DGKI: variants seen among roughly 807,000 people sequenced by gnomAD.
DGKI encodes the protein DAG kinase iota.
DGKI carries 55 observed loss-of-function variants against 147.5 expected under a neutral mutation model. The observed-to-expected ratio is 0.37, with a 90% confidence interval of 0.30 to 0.47. The LOEUF (loss-of-function observed/expected upper bound fraction) is 0.47. Ranked by LOEUF, DGKI falls within the 20% of genes least tolerant of loss-of-function variation. The pLI, the probability that DGKI is intolerant of heterozygous loss-of-function variation, is 1.00. For missense variants in DGKI, 1,007 were observed against 1,323.8 expected, an observed-to-expected ratio of 0.76 and a Z score of 3.71; for synonymous variants, 469 against 477.1, an observed-to-expected ratio of 0.98 and a Z score of 0.22.
chr7:137,397,588 A>G (rs1009272883), intron 30 of DGKI, among the ~76,000 whole-genome samples, 175 bp from the exon 31 acceptor site: 1 of 152,228 alleles, frequency 6.6e-6, no homozygotes, highest in African/African-American at 2.4e-5. Flanking sequence ...CAAACTCCCA[A>G]TCTCCATGAA....
At chr7:137,777,946 C>T (rs781114231) in intron 1 of DGKI, among the ~76,000 whole-genome samples, 20 of 152,166 alleles carry the variant, frequency 1.3e-4, no homozygotes, top group Non-Finnish European at 2.5e-4. Flanking sequence ...TGTGGCTATT[C>T]AGTCCGTTCA....
At chr7:137,570,830 C>T (rs1225788347) in intron 19 of DGKI, among the ~76,000 whole-genome samples, 1 of 152,084 alleles carries the variant, frequency 6.6e-6, no homozygotes, top group Non-Finnish European at 1.5e-5. Context: ...CTCAGTTGAT[C>T]CACCCACCTC....
chr7:137,733,438 C>T (rs1218522174), intron 1 of DGKI, among the ~76,000 whole-genome samples: 3 of 152,090 alleles, frequency 2.0e-5, no homozygotes, highest in Admixed American at 6.6e-5. Flanking sequence ...CTTTTTAAGG[C>T]CAAATAGTAT....
chr7:137,648,719 T>C (rs1285362580), intron 5 of DGKI, among the ~76,000 whole-genome samples: 1 of 152,176 alleles, frequency 6.6e-6, no homozygotes. Flanking sequence ...TTTAATATTT[T>C]TGGACTGTGG....
At chr7:137,726,727 A>C (rs547332045) in intron 1 of DGKI, among the ~76,000 whole-genome samples, 13 of 152,280 alleles carry the variant, frequency 8.5e-5, no homozygotes, top group Non-Finnish European at 7.4e-5. Context: ...GAATTCCTAA[A>C]ACGTTGTCCC....
At chr7:137,442,725 A>G (rs1347478695) in intron 28 of DGKI, among the ~76,000 whole-genome samples, 1 of 152,196 alleles carries the variant, frequency 6.6e-6, no homozygotes. Context: ...CAGATTTCAC[A>G]ATGTGGCAGT....
chr7:137,510,354 T>C (rs2128947389), intron 21 of DGKI, among the ~76,000 whole-genome samples: 1 of 152,344 alleles, frequency 6.6e-6, no homozygotes, highest in East Asian at 1.9e-4. Context: ...GTGTTAAATG[T>C]GATATAAGCT....
intron 19 of DGKI, among the ~76,000 whole-genome samples, chr7:137,554,535 C>T (rs992938246): frequency 2.6e-5 from 4 of 152,186 alleles, no homozygotes; most frequent in African/African-American, 9.7e-5. Context: ...AAGACCATAG[C>T]TCTCCTTTGC....
intron 1 of DGKI, among the ~76,000 whole-genome samples, chr7:137,830,554 C>T (rs1290645556): frequency 1.3e-5 from 2 of 152,114 alleles, no homozygotes; most frequent in Non-Finnish European, 2.9e-5. Context: ...TGAAGAAAGC[C>T]ATGGATAACC....
chr7:137,470,057 A>G (rs2128928337), intron 23 of DGKI, among the ~76,000 whole-genome samples: 1 of 152,326 alleles, frequency 6.6e-6, no homozygotes, highest in East Asian at 1.9e-4. Flanking sequence ...GAGAAAAAGC[A>G]GCAGCCATCC....
At chr7:137,833,623 C>T (rs1388649115) in intron 1 of DGKI, among the ~76,000 whole-genome samples, 1 of 152,210 alleles carries the variant, frequency 6.6e-6, no homozygotes, top group Admixed American at 6.5e-5. Flanking sequence ...ACCAGAGCAG[C>T]AGGAATTGTC....
intron 6 of DGKI, among the ~76,000 whole-genome samples, chr7:137,642,639 G>A (rs555400763): frequency 1.6e-4 from 24 of 152,174 alleles, no homozygotes; most frequent in East Asian, 7.7e-4. Flanking sequence ...TGAGGCATTC[G>A]GCTAACGTTA....
intron 30 of DGKI, among the ~76,000 whole-genome samples, chr7:137,402,916 C>A (rs191793813): frequency 2.5e-3 from 375 of 152,220 alleles, no homozygotes; most frequent in Non-Finnish European, 4.3e-3. Flanking sequence ...CAAAATAACC[C>A]ATTGAAATCA....
At chr7:137,514,975 C>T (rs1252708918) in intron 21 of DGKI, among the ~76,000 whole-genome samples, 2 of 152,168 alleles carry the variant, frequency 1.3e-5, no homozygotes, top group African/African-American at 4.8e-5. Context: ...TTCTCCATGG[C>T]CTATAAGCCC....
intron 1 of DGKI, among the ~76,000 whole-genome samples, chr7:137,705,582 T>C (rs977187822): frequency 3.3e-5 from 5 of 152,108 alleles, no homozygotes; most frequent in Non-Finnish European, 5.9e-5. Flanking sequence ...AGATGGCTGA[T>C]TGGGAAGGCA....
intron 1 of DGKI, among the ~76,000 whole-genome samples, chr7:137,816,212 C>G (rs767303352): frequency 6.6e-6 from 1 of 152,184 alleles, no homozygotes. Flanking sequence ...ATAGCATTCT[C>G]AGACTAATAG....
intron 17 of DGKI, among the ~76,000 whole-genome samples, chr7:137,575,256 A>C (rs1388492694): frequency 6.6e-6 from 1 of 152,204 alleles, no homozygotes; most frequent in African/African-American, 2.4e-5. Flanking sequence ...AATTTATATA[A>C]ACATTCCACC....
chr7:137,599,602 C>T (rs1386648085), intron 11 of DGKI, among the ~76,000 whole-genome samples: 3 of 152,114 alleles, frequency 2.0e-5, no homozygotes, highest in Admixed American at 6.5e-5. Context: ...ACACACTAGA[C>T]GTATCCTGAG....
chr7:137,536,337 T>C lies in DGKI; in HGVS notation c.2148-14371A>G, dbSNP rs187003719. Among the ~76,000 whole-genome samples the C allele has an allele frequency of 4.6e-5, 7 of 152,272 alleles. No individual in the cohort carries two copies. The East Asian group carries it at 1.2e-3, about 25-fold the overall frequency. ...CTTAGAAGTTAGTAGGGTGTTAAAT[T>C]TGATCACAGAGCAAGGTGCTTAGGT... is the stretch of plus-strand genomic sequence containing the variant. On this transcript the variant is annotated intron_variant, in intron 20 of 32. Transcript: ENST00000614521.
Sources: gnomAD v4.1 joint callset for allele counts (sites outside exome capture counted in the v4.1 genomes callset) on GRCh38, gnomAD v4.1.1 for gene constraint, MANE v1.5 for transcripts, NCBI Gene and HGNC (gene_info 2026-07-23, HGNC 2026-07-21) for gene names.